MED12L: variants seen among roughly 807,000 people sequenced by gnomAD.
MED12L encodes mediator of RNA polymerase II transcription subunit 12-like protein.
In MED12L, 60 loss-of-function variants were observed where a neutral mutation model predicts 281.3. The ratio of observed to expected loss-of-function variants is 0.21; its 90% CI spans 0.17 to 0.26. The LOEUF (loss-of-function observed/expected upper bound fraction) is 0.26. Among genes scored for constraint, MED12L ranks in the 10% least tolerant of loss-of-function variants. MED12L has a pLI of 1.00. For synonymous variants in MED12L, 974 were observed against 987.2 expected (o/e 0.99, Z 0.25); for missense variants, 2,146 against 2,680.9 (o/e 0.80, Z 4.41).
intron 16 of MED12L, among the ~76,000 whole-genome samples, chr3:151,291,261 GCA>G (rs929878105): frequency 2.0e-5 from 3 of 151,034 alleles, no homozygotes; most frequent in Non-Finnish European, 2.9e-5. Context: ...TTGCATGTGT[GCA>G]CACACACAAA....
chr3:151,323,315 A>G (rs1483554307), intron 16 of MED12L, among the ~76,000 whole-genome samples: 1 of 152,072 alleles, frequency 6.6e-6, no homozygotes, highest in Admixed American at 6.6e-5. Context: ...GAATCATCCT[A>G]TAGTTGGTCA....
intron 16 of MED12L, among the ~76,000 whole-genome samples, chr3:151,277,338 T>C (rs1459582670): frequency 6.6e-6 from 1 of 152,232 alleles, no homozygotes; most frequent in Non-Finnish European, 1.5e-5. Context: ...ATAAAATTCA[T>C]TGCATGTTTA....
chr3:151,100,213 A>G (rs1481948714), intron 2 of MED12L, among the ~76,000 whole-genome samples: 1 of 152,214 alleles, frequency 6.6e-6, no homozygotes, highest in Non-Finnish European at 1.5e-5. Context: ...AATTTTCTAC[A>G]GGCATTTCCA....
At chr3:151,284,548 TGTTA>T (rs1223940494) in intron 16 of MED12L, among the ~76,000 whole-genome samples, 1 of 152,194 alleles carries the variant, frequency 6.6e-6, no homozygotes, top group African/African-American at 2.4e-5. Flanking sequence ...TGTGTGGACC[TGTTA>T]GTTTAATCAG....
intron 16 of MED12L, among the ~76,000 whole-genome samples, chr3:151,257,840 G>C (rs971188960): frequency 1.6e-4 from 24 of 152,172 alleles, no homozygotes; most frequent in Non-Finnish European, 3.2e-4. Flanking sequence ...TTAGATGAGA[G>C]TCACACAAAT....
intron 16 of MED12L, among the ~76,000 whole-genome samples, chr3:151,255,178 A>G (rs1420391910): frequency 6.6e-6 from 1 of 152,174 alleles, no homozygotes; most frequent in African/African-American, 2.4e-5. Context: ...GACCAATTTC[A>G]TGTAAGAAGG....
rs1719716731 is a variant in MED12L, at chr3:151,433,143, G to T, written c.*339G>T. Reference sequence around the variant, plus strand: ...AAGAATGGATTATGATGGATCTAAGGTATTTATGTATTTCATTCATTAATG... The same window carrying T: ...AAGAATGGATTATGATGGATCTAAGTTATTTATGTATTTCATTCATTAATG... On this transcript the variant is annotated 3_prime_UTR_variant, in exon 45 of 45. Transcript: ENST00000687756. 1.1e-5 allele frequency: 2 copies of T among 188,078 alleles called. No homozygotes were observed. The highest frequency in any genetic ancestry group is 2.2e-3 in the Middle Eastern group (1 of 464). 11.7% of individuals were successfully genotyped at this position (188,078 alleles called of 1,614,324 possible).
rs901487301 is a variant in MED12L, at chr3:151,350,304, C to T, written c.2398+98C>T. 8.7e-6 allele frequency: 10 copies of T among 1,155,814 alleles called. No homozygotes were observed. In the South Asian group the frequency reaches 1.3e-4, roughly 15 times the overall value. 71.6% of individuals were successfully genotyped at this position (1,155,814 alleles called of 1,614,324 possible). On this transcript the variant is annotated intron_variant, in intron 17 of 44. Transcript: ENST00000687756. ...GTGTTCTATGTCACTGTCAACAGAG[C>T]GTTTCCCCTCCTGAATGACTCTCAC... is the stretch of plus-strand genomic sequence containing the variant.
At chr3:151,384,254 T>A (rs1308516314) in intron 35 of MED12L, 36 bp downstream of exon 35, 1 of 1,561,830 alleles carries the variant, frequency 6.4e-7, no homozygotes, top group East Asian at 2.3e-5. Context: ...TGAGCTCAAG[T>A]TGTTTATGGA....
At chr3:151,134,503 C>G (rs7618087) in intron 5 of MED12L, among the ~76,000 whole-genome samples, 5,959 of 152,240 alleles carry the variant, frequency 0.039, 384 homozygotes, top group African/African-American at 0.14. Context: ...AAGAGTGTGA[C>G]AGTGTAATCA....
In MED12L at chr3:151,338,730, C is replaced by G. The variant is rs200854863; in HGVS notation, c.2251-11329C>G. ...CATCGCCAGGCCATTTGTGATAAGTCCAACAAAAAACAGGACAGTGTAGAG... is the reference window on the plus strand; with the variant it reads ...CATCGCCAGGCCATTTGTGATAAGTGCAACAAAAAACAGGACAGTGTAGAG... On this transcript the variant is annotated intron_variant, in intron 16 of 44. Transcript: ENST00000687756. 1.9e-5 allele frequency: 30 copies of G among 1,611,572 alleles called. No individual in the cohort carries two copies. In the East Asian group the frequency reaches 6.5e-4, roughly 35 times the overall value.
chr3:151,394,895 C>CT, intron 39 of MED12L, 28 bp downstream of exon 39: 1 of 1,612,196 alleles, frequency 6.2e-7, no homozygotes, highest in Non-Finnish European at 8.5e-7. Flanking sequence ...CAATGGAGTC[C>CT]TTTGCATTTT....
chr3:151,211,083 T>G (rs1727084806), intron 16 of MED12L, among the ~76,000 whole-genome samples: 1 of 152,242 alleles, frequency 6.6e-6, no homozygotes, highest in East Asian at 1.9e-4. Context: ...GCCACTTGGT[T>G]TTTAGTTGTT....
rs1353366286 is a variant in MED12L at position 151,160,069 on chromosome 3, C to T, written c.1075C>T (p.Pro359Ser). Reference sequence around the variant, plus strand: ...TTTTCTTTCCTGTGCACAGCATGGTCCCCTGGTTTATGGACTTAGTTGTAT... The same window carrying T: ...TTTTCTTTCCTGTGCACAGCATGGTTCCCTGGTTTATGGACTTAGTTGTAT... ...SDFLSCAQHG[P>S]LVYGLSCMLQ... is the part of the protein sequence containing the mutation. The change falls in exon 8 of 45, where the codon CCC becomes TCC. Residue 359 changes from proline to serine, a missense_variant. Transcript: ENST00000687756. The T allele has an allele frequency of 3.7e-6, 6 of 1,611,912 alleles. No homozygotes were observed. In the East Asian group the frequency reaches 6.7e-5, roughly 18 times the overall value.
rs375504873 is a variant in MED12L, at chr3:151,430,289, G to A, written c.6409-10G>A. ...AATGATTTCTGTCCTTTCTCCTGTC[G>A]CCATTACAGTTTCCCAGGCAAGGCT... On this transcript the variant is annotated splice_polypyrimidine_tract_variant and intron_variant, in intron 43 of 44. Coordinates refer to ENST00000687756, the MANE Select transcript of MED12L (RefSeq NM_001393769.1). The A allele has an allele frequency of 6.8e-6, 11 of 1,613,854 alleles. No homozygotes were observed. Among genetic ancestry groups the A allele is most frequent in the Admixed American group, 3.3e-5 (2 of 60,002 alleles).
chr3:151,199,053 G>A (rs757701419), intron 16 of MED12L: 5 of 1,613,838 alleles, frequency 3.1e-6, no homozygotes, highest in South Asian at 1.1e-5. Flanking sequence ...TGAAGACAGC[G>A]GTCAATGCTG....
intron 16 of MED12L, among the ~76,000 whole-genome samples, chr3:151,317,756 T>G (rs1748474867): frequency 6.6e-6 from 1 of 152,066 alleles, no homozygotes; most frequent in African/African-American, 2.4e-5. Flanking sequence ...GGCCACTTTT[T>G]CTGATTTGTA....
Position 151,394,643 on chromosome 3 carries a change from G to A in MED12L, c.5609-13G>A, listed in dbSNP as rs759896308. 4 of 1,613,126 alleles carry A rather than the reference G, an allele frequency of 2.5e-6. No homozygotes were observed. The highest frequency in any genetic ancestry group is 3.3e-4 in the Middle Eastern group (2 of 6,054). The stretch of plus-strand genomic sequence containing the variant: ...CGTAGTTAGAAAGTGTTTCCTTTTG[G>A]TTGCTTTTGTAGGTGGCTCCAGATT... On this transcript the variant is annotated splice_polypyrimidine_tract_variant and intron_variant, in intron 38 of 44. Transcript: ENST00000687756.
chr3:151,284,837 A>T (rs1559981784), intron 16 of MED12L, among the ~76,000 whole-genome samples: 2 of 152,022 alleles, frequency 1.3e-5, no homozygotes, highest in African/African-American at 2.4e-5. Context: ...CGAACTCCCG[A>T]CCTCAGGTGA....
Sources: gnomAD v4.1 joint callset for allele counts (sites outside exome capture counted in the v4.1 genomes callset) on GRCh38, gnomAD v4.1.1 for gene constraint, MANE v1.5 for transcripts, NCBI Gene and HGNC (gene_info 2026-07-23, HGNC 2026-07-21) for gene names.